Variants in UNC5D observed in about 807,000 individuals in gnomAD.
UNC5D encodes unc-5 netrin receptor D, also known as netrin receptor UNC5D.
In UNC5D, 39 loss-of-function variants were observed where a neutral mutation model predicts 105.4. The observed-to-expected ratio is 0.37, with a 90% CI of 0.29 to 0.48. The LOEUF (loss-of-function observed/expected upper bound fraction) is 0.48, where lower values mean the gene tolerates loss of function less well. Among genes scored for constraint, UNC5D ranks in the 20% least tolerant of loss-of-function variants. The pLI, the probability that UNC5D is intolerant of heterozygous loss-of-function variation, is 0.98. For missense variants in UNC5D, 991 were observed against 1,202.4 expected (o/e 0.82, Z 2.60); for synonymous variants, 452 against 450.4 (o/e 1.00, Z -0.04).
intron 1 of UNC5D, among the ~76,000 whole-genome samples, chr8:35,490,748 C>G (rs546972975): frequency 2.0e-5 from 3 of 152,082 alleles, no homozygotes; most frequent in Non-Finnish European, 4.4e-5. Flanking sequence ...ATTTTACAAG[C>G]CTCTGGAAGA....
intron 1 of UNC5D, among the ~76,000 whole-genome samples, chr8:35,274,852 A>T (rs1950044): frequency 6.6e-6 from 1 of 151,936 alleles, no homozygotes; most frequent in Non-Finnish European, 1.5e-5. Context: ...TTCTTTGGGA[A>T]GCCAAGGCAG....
At chr8:35,687,315 G>A (rs536109549) in intron 7 of UNC5D, among the ~76,000 whole-genome samples, 18 of 152,040 alleles carry the variant, frequency 1.2e-4, no homozygotes, top group East Asian at 3.9e-4. Flanking sequence ...GGTGGTGGGC[G>A]CCTGTAGTCC....
intron 1 of UNC5D, among the ~76,000 whole-genome samples, chr8:35,289,388 T>G (rs1209164498): frequency 1.3e-5 from 2 of 152,214 alleles, no homozygotes; most frequent in East Asian, 3.8e-4. Flanking sequence ...AAGGGACAGA[T>G]AGATTGCAAT....
At chr8:35,373,969 G>A (rs1172468045) in intron 1 of UNC5D, among the ~76,000 whole-genome samples, 1 of 152,162 alleles carries the variant, frequency 6.6e-6, no homozygotes, top group Non-Finnish European at 1.5e-5. Context: ...TCAGGGAAGG[G>A]AGCGCAAGGG....
In UNC5D at chr8:35,786,904, G is replaced by A. The variant is rs150534445; in HGVS notation, c.2658-3455G>A. Among the ~76,000 whole-genome samples, 1,157 of 152,128 alleles carry A rather than the reference G, an allele frequency of 7.6e-3. 11 individuals are homozygous for A. The highest frequency in any genetic ancestry group is 0.026 in the African/African-American group (1,072 of 41,506). ...AGCCCATGAGCTAAGGATGGTTTTC[G>A]CATTTTTAAATGGTCTGAAAAAAAA... is the stretch of plus-strand genomic sequence containing the variant. On this transcript the variant is annotated intron_variant, in intron 16 of 16. Coordinates refer to ENST00000404895, the MANE Select transcript of UNC5D (RefSeq NM_080872.4).
At chr8:35,640,200 TG>T (rs1256845948) in intron 4 of UNC5D, among the ~76,000 whole-genome samples, 3 of 152,170 alleles carry the variant, frequency 2.0e-5, no homozygotes, top group Non-Finnish European at 4.4e-5. Context: ...ATTCCTACTT[TG>T]TATGTAACAA....
chr8:35,525,988 A>G (rs1008641961), intron 1 of UNC5D, among the ~76,000 whole-genome samples: 2 of 152,026 alleles, frequency 1.3e-5, no homozygotes, highest in Admixed American at 6.6e-5. Context: ...TTATCTTCAT[A>G]TTTGTCTCAC....
Position 35,658,691 on chromosome 8 carries a change from G to A in UNC5D, c.571-24856G>A, listed in dbSNP as rs367866041. Among the ~76,000 whole-genome samples the A allele has an allele frequency of 1.1e-3, 134 of 127,600 alleles. 1 individual carries two copies. Among genetic ancestry groups the A allele is most frequent in the African/African-American group, 3.7e-3 (125 of 34,208 alleles). The allele number at this position is 127,600 out of a possible 152,430, so 83.7% of individuals were successfully genotyped here. ...TCTGGAGATGGAGTCTCACTCTGTCGCCCAGGCTGAAGTGCAGTGGCGCGA... is the reference window on the plus strand; with the variant it reads ...TCTGGAGATGGAGTCTCACTCTGTCACCCAGGCTGAAGTGCAGTGGCGCGA... On this transcript the variant is annotated intron_variant, in intron 4 of 16. Transcript: ENST00000404895.
At chr8:35,429,781 C>G in intron 1 of UNC5D, among the ~76,000 whole-genome samples, 1 of 152,118 alleles carries the variant, frequency 6.6e-6, no homozygotes. Context: ...GTGATTTCTT[C>G]CTACCCTAGT....
intron 1 of UNC5D, among the ~76,000 whole-genome samples, chr8:35,517,908 G>T (rs2130423274): frequency 6.6e-6 from 1 of 152,196 alleles, no homozygotes; most frequent in South Asian, 2.1e-4. Flanking sequence ...TCACATAGTG[G>T]AAGGAACAAG....
At chr8:35,491,421 T>TA (rs1463747554) in intron 1 of UNC5D, among the ~76,000 whole-genome samples, 5 of 152,332 alleles carry the variant, frequency 3.3e-5, no homozygotes, top group Non-Finnish European at 7.4e-5. Flanking sequence ...ATACCTGGCT[T>TA]ACACAAGAAA....
chr8:35,457,678 C>G (rs1047841065), intron 1 of UNC5D, among the ~76,000 whole-genome samples: 1 of 152,100 alleles, frequency 6.6e-6, no homozygotes, highest in African/African-American at 2.4e-5. Context: ...TGCCCCAAAT[C>G]TATAAGAAAG....
At chr8:35,663,755 A>G (rs1199076979) in intron 4 of UNC5D, among the ~76,000 whole-genome samples, 2 of 152,220 alleles carry the variant, frequency 1.3e-5, no homozygotes, top group Non-Finnish European at 2.9e-5. Flanking sequence ...CCCCATATCT[A>G]TGTTAGGTCC....
At chr8:35,607,386 T>C (rs1820363536) in intron 4 of UNC5D, among the ~76,000 whole-genome samples, 1 of 152,172 alleles carries the variant, frequency 6.6e-6, no homozygotes, top group Admixed American at 6.5e-5. Flanking sequence ...GGTAGAAGTC[T>C]GAAATCCAAC....
At chr8:35,468,156 C>T (rs1809446495) in intron 1 of UNC5D, among the ~76,000 whole-genome samples, 1 of 152,032 alleles carries the variant, frequency 6.6e-6, no homozygotes, top group South Asian at 2.1e-4. Context: ...CTAACTTAGC[C>T]CGGTAATGTG....
At chr8:35,475,339 G>C (rs989184377) in intron 1 of UNC5D, among the ~76,000 whole-genome samples, 2 of 152,284 alleles carry the variant, frequency 1.3e-5, no homozygotes, top group East Asian at 3.9e-4. Context: ...CTACACAGTA[G>C]CCAAGTGGAG....
intron 1 of UNC5D, among the ~76,000 whole-genome samples, chr8:35,436,654 C>A (rs755792796): frequency 6.6e-6 from 1 of 151,996 alleles, no homozygotes; most frequent in Non-Finnish European, 1.5e-5. Context: ...AAATACTAAT[C>A]AAAAACTGTA....
chr8:35,506,986 T>C (rs1563482623), intron 1 of UNC5D, among the ~76,000 whole-genome samples: 1 of 152,046 alleles, frequency 6.6e-6, no homozygotes. Flanking sequence ...CAAACAAATC[T>C]ACCTTCATTG....
chr8:35,304,344 A>C (rs1808181298), intron 1 of UNC5D, among the ~76,000 whole-genome samples: 1 of 152,114 alleles, frequency 6.6e-6, no homozygotes, highest in Non-Finnish European at 1.5e-5. Context: ...CTGTTGATGA[A>C]AGAAGAAAAC....
Sources: allele counts gnomAD v4.1 joint callset (sites outside exome capture counted in the v4.1 genomes callset), GRCh38; gene constraint gnomAD v4.1.1; transcripts MANE v1.5; gene names NCBI Gene and HGNC (gene_info 2026-07-23, HGNC 2026-07-21).